CNNM2: variants seen among roughly 807,000 people sequenced by gnomAD.
The protein encoded by CNNM2 is metal transporter CNNM2.
Under a neutral mutation model 66.9 loss-of-function variants are expected in CNNM2, and 12 were observed. The ratio of observed to expected loss-of-function variants is 0.18; its 90% confidence interval spans 0.11 to 0.29. CNNM2 has a LOEUF of 0.29. Ranked by LOEUF, CNNM2 falls within the 10% of genes least tolerant of loss-of-function variation. The pLI, the probability that CNNM2 is intolerant of heterozygous loss-of-function variation, is 1.00. For synonymous variants in CNNM2, 557 were observed against 501.8 expected (o/e 1.11, Z -1.47); for missense variants, 705 against 1,167.7 (o/e 0.60, Z 5.77).
rs2065750435 is a variant in CNNM2 at position 103,080,774 on chromosome 10, A to G, written c.*3594A>G. ...CCTAGGAAAATAATGGTAGATACAA[A>G]TAGAAATACATTTTCCCTAGGAAAT... is the stretch of plus-strand genomic sequence containing the variant. On this transcript the variant is annotated 3_prime_UTR_variant, in exon 8 of 8. Transcript: ENST00000369878. The G allele has an allele frequency of 6.6e-6, 1 of 152,228 alleles. No homozygotes were observed. The highest frequency in any genetic ancestry group is 6.5e-5 in the Admixed American group (1 of 15,288). The allele number at this position is 152,228 out of a possible 1,614,324, so 9.4% of individuals were successfully genotyped here.
intron 1 of CNNM2, among the ~76,000 whole-genome samples, chr10:102,974,250 G>A (rs191925985): frequency 2.6e-5 from 4 of 152,266 alleles, no homozygotes; most frequent in African/African-American, 9.6e-5. Context: ...AGAGGGAAAA[G>A]CACAAAAAAC....
intron 1 of CNNM2, among the ~76,000 whole-genome samples, chr10:102,994,543 C>G (rs890427540): frequency 9.9e-5 from 15 of 152,190 alleles, no homozygotes; most frequent in Non-Finnish European, 2.1e-4. Context: ...ATTCTCAAAG[C>G]CACACACAAA....
intron 5 of CNNM2, among the ~76,000 whole-genome samples, chr10:103,069,792 G>A (rs2065544272): frequency 2.0e-5 from 3 of 152,232 alleles, no homozygotes. Flanking sequence ...AGAGATGCTG[G>A]GGTGCCACCT....
intron 1 of CNNM2, among the ~76,000 whole-genome samples, chr10:102,940,301 G>T (rs189580036): frequency 6.6e-6 from 1 of 151,714 alleles, no homozygotes; most frequent in South Asian, 2.1e-4. Flanking sequence ...TTTTGAAAAC[G>T]CATCTTTTAC....
rs1002918767 is a variant in CNNM2, at chr10:103,071,974, G to T, written c.2233+135G>T. ...TTCCTTGGAGCGCTAAAGCTCTAAGGTTCCGTAACTTTATAGCGAGCTCTC... is the reference window on the plus strand; with the variant it reads ...TTCCTTGGAGCGCTAAAGCTCTAAGTTTCCGTAACTTTATAGCGAGCTCTC... On this transcript the variant is annotated intron_variant, in intron 6 of 7. Transcript: ENST00000369878. 39 of 812,380 alleles carry T rather than the reference G, an allele frequency of 4.8e-5. 1 individual carries two copies. Among genetic ancestry groups the T allele is most frequent in the Non-Finnish European group, 7.9e-5 (37 of 469,918 alleles). 50.3% of individuals were successfully genotyped at this position (812,380 alleles called of 1,614,324 possible).
intron 1 of CNNM2, among the ~76,000 whole-genome samples, chr10:103,009,135 G>A (rs563553481): frequency 5.1e-4 from 78 of 152,274 alleles, no homozygotes; most frequent in Admixed American, 2.7e-3. Flanking sequence ...AAGTAGCCAG[G>A]TGTGGTGGCG....
In CNNM2 at chr10:103,084,739, T is replaced by C. The variant is rs1339943823; in HGVS notation, c.*7559T>C. 6.6e-6 allele frequency: 1 copy of C among 152,170 alleles called. No individual in the cohort carries two copies. Among genetic ancestry groups the C allele is most frequent in the Non-Finnish European group, 1.5e-5 (1 of 68,028 alleles). The allele number at this position is 152,170 out of a possible 1,614,324, so 9.4% of individuals were successfully genotyped here. A position where few individuals can be genotyped will look rare whatever the true frequency, so the allele number is the denominator to read the frequency against. ...ACCCGGGGTTTCTATTTCACAAAAATTGTGCTCCCTAGAGCCGTTTTTCAA... is the reference window on the plus strand; with the variant it reads ...ACCCGGGGTTTCTATTTCACAAAAACTGTGCTCCCTAGAGCCGTTTTTCAA... On this transcript the variant is annotated 3_prime_UTR_variant, in exon 8 of 8. Coordinates refer to ENST00000369878, the MANE Select transcript of CNNM2 (RefSeq NM_017649.5).
Position 103,090,046 on chromosome 10 carries a change from T to A in CNNM2, c.*12866T>A, listed in dbSNP as rs1253067614. On this transcript the variant is annotated 3_prime_UTR_variant, in exon 8 of 8. Transcript: ENST00000369878. ...CACAGGACAAGTCAATATAGACTTA[T>A]CTTCATAGAACTACTTATAGTTGCC... The A allele has an allele frequency of 5.1e-6, 3 of 593,520 alleles. No individual in the cohort carries two copies. The highest frequency in any genetic ancestry group is 7.1e-5 in the Admixed American group (2 of 28,272). The allele number at this position is 593,520 out of a possible 1,614,324, so 36.8% of individuals were successfully genotyped here. A position where few individuals can be genotyped will look rare whatever the true frequency, so the allele number is the denominator to read the frequency against.
Position 103,068,715 on chromosome 10 carries a change from C to G in CNNM2, c.2160C>G (p.Ala720=), listed in dbSNP as rs778765311. 20 of 1,612,028 alleles carry G rather than the reference C, an allele frequency of 1.2e-5. No individual in the cohort carries two copies. The South Asian group carries it at 2.2e-4, about 18-fold the overall frequency. The change falls in exon 5 of 8, where the codon GCC becomes GCG. Residue 720 remains alanine (A), a synonymous_variant. Coordinates refer to ENST00000369878, the MANE Select transcript of CNNM2 (RefSeq NM_017649.5). ...ACTATGGCGTGATGGCCCTGACAGCCTCTCCAGGTATGTTTGGTTCCCAGC... is the reference window on the plus strand; with the variant it reads ...ACTATGGCGTGATGGCCCTGACAGCGTCTCCAGGTATGTTTGGTTCCCAGC... ...FSYYGVMALT[A]SPVPLSLSRT...
intron 1 of CNNM2, among the ~76,000 whole-genome samples, chr10:103,047,904 A>AAATTTT (rs1315989298): frequency 2.0e-5 from 3 of 152,098 alleles, no homozygotes; most frequent in Non-Finnish European, 4.4e-5. Flanking sequence ...AAGTCTCCCA[A>AAATTTT]AATTTTAATT....
chr10:102,946,525 T>C (rs1846623640), intron 1 of CNNM2, among the ~76,000 whole-genome samples: 1 of 152,190 alleles, frequency 6.6e-6, no homozygotes, highest in Admixed American at 6.5e-5. Context: ...TGCAGGACTT[T>C]TTTAAAGCAC....
In CNNM2 at chr10:103,068,369, A is replaced by G. The variant is rs147738070; in HGVS notation, c.2074-260A>G. 5.4e-5 allele frequency: 21 copies of G among 387,508 alleles called. No individual in the cohort carries two copies. The East Asian group carries it at 9.2e-4, about 17-fold the overall frequency. 24.0% of individuals were successfully genotyped at this position (387,508 alleles called of 1,614,324 possible). A position where few individuals can be genotyped will look rare whatever the true frequency, so the allele number is the denominator to read the frequency against. ...TCTCTACAAAGAAAACTGTATTTTA[A>G]GTTTTTAATTTAAGAATTATTTTAA... On this transcript the variant is annotated intron_variant, in intron 4 of 7. Coordinates refer to ENST00000369878, the MANE Select transcript of CNNM2 (RefSeq NM_017649.5).
intron 1 of CNNM2, chr10:102,927,472 G>T: frequency 6.3e-7 from 1 of 1,597,284 alleles, no homozygotes. Context: ...AAAAGGGGTG[G>T]CAGTTGGCTG....
intron 1 of CNNM2, among the ~76,000 whole-genome samples, chr10:102,995,673 T>C (rs2063983663): frequency 6.6e-6 from 1 of 151,776 alleles, no homozygotes; most frequent in Admixed American, 6.6e-5. Context: ...ATTAAAAATG[T>C]GTTACGTCTG....
chr10:102,994,310 T>A (rs2063949538), intron 1 of CNNM2, among the ~76,000 whole-genome samples: 1 of 152,228 alleles, frequency 6.6e-6, no homozygotes. Context: ...CTAGTTAGTT[T>A]AAGCAGGAGA....
At chr10:103,042,942 TTTA>T (rs1227461120) in intron 1 of CNNM2, among the ~76,000 whole-genome samples, 1 of 152,194 alleles carries the variant, frequency 6.6e-6, no homozygotes, top group Admixed American at 6.5e-5. Context: ...TTTTTGCAAT[TTTA>T]TTGATTCCTA....
chr10:103,073,754 C>T (rs930513609), intron 6 of CNNM2, among the ~76,000 whole-genome samples: 12 of 150,756 alleles, frequency 8.0e-5, no homozygotes, highest in African/African-American at 2.7e-4. Flanking sequence ...CCCAGCTACT[C>T]GGGAGGCTGA....
At chr10:103,058,029 G>A (rs1254198643) in intron 4 of CNNM2, among the ~76,000 whole-genome samples, 1 of 152,142 alleles carries the variant, frequency 6.6e-6, no homozygotes, top group Non-Finnish European at 1.5e-5. Flanking sequence ...TCAAGCTCGG[G>A]AAAGTGTTGT....
At chr10:103,042,174 C>T (rs1025492506) in intron 1 of CNNM2, among the ~76,000 whole-genome samples, 1 of 152,220 alleles carries the variant, frequency 6.6e-6, no homozygotes, top group Non-Finnish European at 1.5e-5. Flanking sequence ...TCATTCTCCT[C>T]CACCCGCTAT....
Sources: allele counts gnomAD v4.1 joint callset (sites outside exome capture counted in the v4.1 genomes callset), GRCh38; gene constraint gnomAD v4.1.1; transcripts MANE v1.5; gene names NCBI Gene and HGNC (gene_info 2026-07-23, HGNC 2026-07-21).